Variants in PTCD1 observed in about 807,000 individuals in gnomAD.
The protein encoded by PTCD1 is pentatricopeptide repeat domain 1.
In PTCD1, 50 loss-of-function variants were observed where a neutral mutation model predicts 53.4. The observed-to-expected ratio is 0.94, with a 90% confidence interval of 0.75 to 1.19. The LOEUF (loss-of-function observed/expected upper bound fraction) is 1.19. PTCD1 is among the 50% of genes most tolerant of loss of function. The probability of loss-of-function intolerance (pLI) is 0.00; values close to 1 mark genes in which losing one functional copy is unlikely to be tolerated. For synonymous variants in PTCD1, 413 were observed against 394.8 expected (o/e 1.05, Z -0.55); for missense variants, 918 against 904.8 (o/e 1.01, Z -0.19).
intron 3 of PTCD1, among the ~76,000 whole-genome samples, chr7:99,431,580 A>G (rs1179702089): frequency 1.3e-5 from 2 of 152,164 alleles, no homozygotes; most frequent in Non-Finnish European, 1.5e-5. Flanking sequence ...TACTAAAAAT[A>G]CAAACAAAAT....
At chr7:99,422,698 A>G (rs1312308595) in intron 7 of PTCD1, among the ~76,000 whole-genome samples, 1 of 152,200 alleles carries the variant, frequency 6.6e-6, no homozygotes, top group Non-Finnish European at 1.5e-5. Flanking sequence ...GCCAACAGAA[A>G]AGGGCTACCT....
At position 99,434,864 on chromosome 7, in the gene PTCD1, T is replaced by G; in HGVS notation, c.379A>C (p.Lys127Gln). The change falls in exon 2 of 8, where the codon AAA becomes CAA. Residue 127 changes from lysine (K) to glutamine (Q), a missense_variant. Physicochemically the swap from Lys to Gln is moderately conservative, Grantham distance 53. Coordinates refer to ENST00000292478, the MANE Select transcript of PTCD1 (RefSeq NM_015545.4). ...GTGTTTCTCCGGCCTCGCCATAATT[T>G]GGGCTCCGGTTCCATTTGCTCATCT... is the stretch of plus-strand genomic sequence containing the variant. ...RRDEQMEPEP[K>Q]LWRGRRNTPY... 1 of 1,614,200 alleles carries G rather than the reference T, an allele frequency of 6.2e-7. No homozygotes were observed. Among genetic ancestry groups the G allele is most frequent in the African/African-American group, 1.3e-5 (1 of 75,056 alleles).
intron 7 of PTCD1, among the ~76,000 whole-genome samples, chr7:99,421,143 A>G (rs1795796003): frequency 6.6e-6 from 1 of 152,142 alleles, no homozygotes; most frequent in African/African-American, 2.4e-5. Context: ...CCCATCGTAA[A>G]TCAAAAATCA....
Position 99,416,848 on chromosome 7 carries a change from G to A in PTCD1, c.*3119C>T, listed in dbSNP as rs527539864. The A allele has an allele frequency of 6.3e-6, 1 of 159,822 alleles. No individual in the cohort carries two copies. The highest frequency in any genetic ancestry group is 2.4e-5 in the African/African-American group (1 of 41,108). The allele number at this position is 159,822 out of a possible 1,614,324, so 9.9% of individuals were successfully genotyped here. On this transcript the variant is annotated 3_prime_UTR_variant, in exon 8 of 8. Coordinates refer to ENST00000292478, the MANE Select transcript of PTCD1 (RefSeq NM_015545.4). ...GGATCCTCTCACCTCAACCTCCTGA[G>A]TAGCTGTGACTACAGGTGTGCACCA...
chr7:99,429,809 G>A lies in PTCD1; in HGVS notation c.595-3C>T, dbSNP rs377728242. 24 of 1,614,008 alleles carry A rather than the reference G, an allele frequency of 1.5e-5. No homozygotes were observed. The highest frequency in any genetic ancestry group is 8.8e-5 in the South Asian group (8 of 91,062). ...GGCTCCAGGTCCCGCTTTTTCATCT[G>A]TGGAGATGGAAGAAGCTCAGTGGTG... On this transcript the variant is annotated splice_region_variant and splice_polypyrimidine_tract_variant and intron_variant, in intron 3 of 7. Coordinates refer to ENST00000292478, the MANE Select transcript of PTCD1 (RefSeq NM_015545.4).
intron 2 of PTCD1, among the ~76,000 whole-genome samples, chr7:99,433,957 C>T (rs913369793): frequency 6.7e-6 from 1 of 149,352 alleles, no homozygotes; most frequent in African/African-American, 2.5e-5. Flanking sequence ...AAGGCTAAGG[C>T]AGAAGAATTG....
At position 99,435,368 on chromosome 7, in the gene PTCD1, G is replaced by C. The variant is rs530684839; in HGVS notation, c.-26-100C>G. The C allele has an allele frequency of 5.3e-5, 78 of 1,469,496 alleles. No homozygotes were observed. In the African/African-American group the frequency reaches 1.0e-3, roughly 19 times the overall value. The allele number at this position is 1,469,496 out of a possible 1,614,324, so 91.0% of individuals were successfully genotyped here. A position where few individuals can be genotyped will look rare whatever the true frequency, so the allele number is the denominator to read the frequency against. ...CAAGTATGGGCCCAGGCCAGGCGCG[G>C]TGGCTCATGCCTGTAATCCCAGCAC... On this transcript the variant is annotated intron_variant, in intron 1 of 7. Coordinates refer to ENST00000292478, the MANE Select transcript of PTCD1 (RefSeq NM_015545.4).
chr7:99,434,993 C>G lies in PTCD1; in HGVS notation c.250G>C (p.Glu84Gln), dbSNP rs1251308771. 2 of 1,614,206 alleles carry G rather than the reference C, an allele frequency of 1.2e-6. No homozygotes were observed. Among genetic ancestry groups the G allele is most frequent in the Middle Eastern group, 1.6e-4 (1 of 6,062 alleles). The change falls in exon 2 of 8, where the codon GAG (glutamate) becomes CAG (glutamine). Residue 84 changes from glutamate (E) to glutamine (Q), a missense_variant. Glu to Gln is a conservative substitution (Grantham distance 29). Transcript: ENST00000292478. ...NSTATQEEDE[E>Q]EEESFGTLSD... ...AGGGTCCCAAAACTCTCCTCCTCCT[C>G]CTCGTCTTCTTCCTGCGTGGCCGTG... is the stretch of plus-strand genomic sequence containing the variant.
chr7:99,426,990 G>A (rs1265832256), intron 5 of PTCD1, among the ~76,000 whole-genome samples: 26 of 151,156 alleles, frequency 1.7e-4, no homozygotes, highest in Admixed American at 1.2e-3. Flanking sequence ...CAGCCGCCCC[G>A]TCTGAGAAGT....
Position 99,425,383 on chromosome 7 carries a change from G to A in PTCD1, c.1149C>T (p.Ala383=), listed in dbSNP as rs750477656. 1.9e-6 allele frequency: 3 copies of A among 1,614,150 alleles called. No homozygotes were observed. The highest frequency in any genetic ancestry group is 2.5e-6 in the Non-Finnish European group (3 of 1,180,038). The change falls in exon 6 of 8, where the codon GCC becomes GCT. Residue 383 remains alanine, a synonymous_variant. Coordinates refer to ENST00000292478, the MANE Select transcript of PTCD1 (RefSeq NM_015545.4). The part of the protein sequence containing the change: ...NLMSAMLHVE[A]LERQLFLEPS... ...GTTCCAGAAACAGCTGCCTCTCCAG[G>A]GCCTCCACATGCAGCATGGCTGACA...
Position 99,416,934 on chromosome 7 carries a change from T to C in PTCD1, c.*3033A>G, listed in dbSNP as rs1302507898. On this transcript the variant is annotated 3_prime_UTR_variant, in exon 8 of 8. Transcript: ENST00000292478. ...TGGGCCCTTGGCCCAGGCTGGTTTC[T>C]TAACTCAAATGATCCTCTGGCGTTG... 4 of 162,206 alleles carry C rather than the reference T, an allele frequency of 2.5e-5. No homozygotes were observed. Among genetic ancestry groups the C allele is most frequent in the Non-Finnish European group, 5.4e-5 (4 of 73,744 alleles). 10.0% of individuals were successfully genotyped at this position (162,206 alleles called of 1,614,324 possible).
Position 99,416,768 on chromosome 7 carries a change from T to C in PTCD1, c.*3199A>G, listed in dbSNP as rs908211077. On this transcript the variant is annotated 3_prime_UTR_variant, in exon 8 of 8. Transcript: ENST00000292478. ...CAGGGTCTTGCTCTGTTCCACAGGC[T>C]GGAGTGCAGTGGTGCAATGATGGCT... 1 of 150,908 alleles carries C rather than the reference T, an allele frequency of 6.6e-6. No homozygotes were observed. The highest frequency in any genetic ancestry group is 2.7e-5 in the African/African-American group (1 of 37,148). The allele number at this position is 150,908 out of a possible 1,614,324, so 9.3% of individuals were successfully genotyped here.
intron 3 of PTCD1, among the ~76,000 whole-genome samples, chr7:99,432,390 G>A (rs1459087490): frequency 6.6e-6 from 1 of 152,202 alleles, no homozygotes; most frequent in East Asian, 1.9e-4. Context: ...GCTCTTTGAT[G>A]CACGAGATGT....
Position 99,419,719 on chromosome 7 carries a change from C to T in PTCD1, c.*248G>A. The T allele has an allele frequency of 1.4e-6, 1 of 711,556 alleles. No individual in the cohort carries two copies. The highest frequency in any genetic ancestry group is 2.3e-6 in the Non-Finnish European group (1 of 437,638). 44.1% of individuals were successfully genotyped at this position (711,556 alleles called of 1,614,324 possible). A position where few individuals can be genotyped will look rare whatever the true frequency, so the allele number is the denominator to read the frequency against. On this transcript the variant is annotated 3_prime_UTR_variant, in exon 8 of 8. Coordinates refer to ENST00000292478, the MANE Select transcript of PTCD1 (RefSeq NM_015545.4). The stretch of plus-strand genomic sequence containing the variant: ...AGCCCCCTTGTGGTGTGTGAGGTGA[C>T]ACACAAAGGTAGCTGGAGCTGGAAG...
rs1003967626 is a variant in PTCD1 at position 99,417,065 on chromosome 7, C to CT, written c.*2901dup. 2,454 of 207,602 alleles carry CT rather than the reference C, an allele frequency of 0.012. No homozygotes were observed. The highest frequency in any genetic ancestry group is 0.027 in the South Asian group (479 of 17,422). The allele number at this position is 207,602 out of a possible 1,614,324, so 12.9% of individuals were successfully genotyped here. ...ACTGTCCCGTTGCAATACTGAATGC[C>CT]TTTTTTTTTTTGAGATGGAGTTTCG... is the stretch of plus-strand genomic sequence containing the variant. On this transcript the variant is annotated 3_prime_UTR_variant, in exon 8 of 8. Transcript: ENST00000292478.
At chr7:99,435,337 TG>T in intron 1 of PTCD1, 69 bp from the exon 2 acceptor site, 1 of 1,571,878 alleles carries the variant, frequency 6.4e-7, no homozygotes, top group Non-Finnish European at 8.6e-7. Flanking sequence ...AAGAAAGAAG[TG>T]GTTACAAGTA....
rs529153885 is a variant in PTCD1 at position 99,435,934 on chromosome 7, G to GAA, written c.-26-668_-26-667dup. ...TGAGTGACAGTGAGACTCTGTCTCA[G>GAA]AAAAAAAAAAAAATAATAATAATAA... is the stretch of plus-strand genomic sequence containing the variant. On this transcript the variant is annotated intron_variant, in intron 1 of 7. Transcript: ENST00000292478. Among the ~76,000 whole-genome samples, 20 of 136,932 alleles carry GAA rather than the reference G, an allele frequency of 1.5e-4. 1 individual carries two copies. The highest frequency in any genetic ancestry group is 1.2e-3 in the South Asian group (5 of 4,332). 89.8% of individuals were successfully genotyped at this position (136,932 alleles called of 152,430 possible). A position where few individuals can be genotyped will look rare whatever the true frequency, so the allele number is the denominator to read the frequency against.
At chr7:99,429,077 A>T in intron 5 of PTCD1, 26 bp downstream of exon 5, 1 of 1,613,238 alleles carries the variant, frequency 6.2e-7, no homozygotes, top group Non-Finnish European at 8.5e-7. Context: ...GAAGCAGGGC[A>T]GGAAGGTGGG....
At position 99,417,433 on chromosome 7, in the gene PTCD1, C is replaced by CT; in HGVS notation, c.*2533dup. 6.2e-7 allele frequency: 1 copy of CT among 1,613,904 alleles called. No individual in the cohort carries two copies. Among genetic ancestry groups the CT allele is most frequent in the Non-Finnish European group, 8.5e-7 (1 of 1,179,900 alleles). ...CTTTCCCCATCTTTTTGACAGAACT[C>CT]TATGAATATTGTATTAAAGAAGGCT... On this transcript the variant is annotated 3_prime_UTR_variant, in exon 8 of 8. Coordinates refer to ENST00000292478, the MANE Select transcript of PTCD1 (RefSeq NM_015545.4).
Sources: allele counts gnomAD v4.1 joint callset (sites outside exome capture counted in the v4.1 genomes callset), GRCh38; gene constraint gnomAD v4.1.1; transcripts MANE v1.5; gene names NCBI Gene and HGNC (gene_info 2026-07-23, HGNC 2026-07-21).